RIPOR3: variants seen among roughly 807,000 people sequenced by gnomAD.
RIPOR3 encodes RIPOR family member 3, also known as family with sequence similarity 65 member C.
A neutral mutation model predicts 114.3 loss-of-function variants in RIPOR3; 95 were observed. That is an observed-to-expected ratio of 0.83 (90% CI 0.70 to 0.99). RIPOR3 has a LOEUF of 0.99. Among genes scored for constraint, RIPOR3 ranks in the 50% least tolerant of loss-of-function variants. The pLI, the probability that RIPOR3 is intolerant of heterozygous loss-of-function variation, is 0.00. For synonymous variants in RIPOR3, 575 were observed against 543.8 expected (o/e 1.06, Z -0.80); for missense variants, 1,252 against 1,266.9 (o/e 0.99, Z 0.18).
chr20:50,639,242 A>AAAAAAAAAAAACCTG (rs2085105366), intron 1 of RIPOR3, among the ~76,000 whole-genome samples: 1 of 140,284 alleles, frequency 7.1e-6, no homozygotes, highest in African/African-American at 2.9e-5. Context: ...ACTCCAACTC[A>AAAAAAAAAAAACCTG]AAAAAAAAAA....
At chr20:50,644,676 C>CTT (rs61225138) in intron 1 of RIPOR3, among the ~76,000 whole-genome samples, 22 of 74,614 alleles carry the variant, frequency 2.9e-4, no homozygotes, top group East Asian at 4.5e-4. Flanking sequence ...TTTTTGTTTG[C>CTT]TTTTTTTTTT....
In RIPOR3 at chr20:50,622,619, G is replaced by A. The variant is rs552410186; in HGVS notation, c.123-2487C>T. Among the ~76,000 whole-genome samples, 36 of 152,132 alleles carry A rather than the reference G, an allele frequency of 2.4e-4. 1 individual carries two copies. The highest frequency in any genetic ancestry group is 8.0e-4 in the African/African-American group (33 of 41,500). ...CTGAACAACAAGAGAGAAGGAACAG[G>A]CCCTGAATAGCCTCGTGAAGCAGAC... On this transcript the variant is annotated intron_variant, in intron 2 of 21. Coordinates refer to ENST00000327979, the MANE Select transcript of RIPOR3 (RefSeq NM_001290268.2).
chr20:50,600,089 A>G (rs910468074), intron 13 of RIPOR3, among the ~76,000 whole-genome samples: 6 of 152,036 alleles, frequency 3.9e-5, no homozygotes, highest in Admixed American at 3.3e-4. Context: ...TTTTAGTAGA[A>G]ACGGGGTTTT....
chr20:50,636,530 G>C, intron 1 of RIPOR3: 1 of 982,674 alleles, frequency 1.0e-6, no homozygotes, highest in Non-Finnish European at 1.2e-6. Flanking sequence ...CAGAGACCCT[G>C]CTGGGCCCCA....
chr20:50,615,283 G>C (rs1195796272), intron 4 of RIPOR3, among the ~76,000 whole-genome samples: 1 of 151,870 alleles, frequency 6.6e-6, no homozygotes, highest in Non-Finnish European at 1.5e-5. Flanking sequence ...CAGCACTTTG[G>C]GAGGCCGACA....
intron 1 of RIPOR3, chr20:50,645,894 A>G (rs2085383286): frequency 6.6e-6 from 1 of 152,200 alleles, no homozygotes; most frequent in Admixed American, 6.5e-5. Flanking sequence ...GAGGTAAACA[A>G]TTTACAAGAG....
At chr20:50,637,569 A>G (rs985361542) in intron 1 of RIPOR3, among the ~76,000 whole-genome samples, 1 of 152,124 alleles carries the variant, frequency 6.6e-6, no homozygotes, top group African/African-American at 2.4e-5. Flanking sequence ...CTTTTTAAAA[A>G]AAAGTTTTTG....
intron 1 of RIPOR3, among the ~76,000 whole-genome samples, chr20:50,668,695 A>T (rs1476783464): frequency 6.6e-6 from 1 of 152,096 alleles, no homozygotes; most frequent in Non-Finnish European, 1.5e-5. Flanking sequence ...CATCTCCCCT[A>T]AAAATACAAA....
Position 50,608,424 on chromosome 20 carries a change from C to CA in RIPOR3, c.920dup (p.Leu307PhefsTer16). On this transcript the variant is annotated frameshift_variant, in exon 11 of 22. Coordinates refer to ENST00000327979, the MANE Select transcript of RIPOR3 (RefSeq NM_001290268.2). LOFTEE classifies it high-confidence loss of function. ...CCTCCAGCTGCAGCTTGATGGTACC[C>CA]AACTCCGTGATGTCCACCACGATGA... The CA allele has an allele frequency of 6.2e-7, 1 of 1,614,026 alleles. No homozygotes were observed. Among genetic ancestry groups the CA allele is most frequent in the Non-Finnish European group, 8.5e-7 (1 of 1,179,954 alleles).
chr20:50,637,295 C>A (rs1052598899), intron 1 of RIPOR3, among the ~76,000 whole-genome samples: 1 of 152,088 alleles, frequency 6.6e-6, no homozygotes, highest in Non-Finnish European at 1.5e-5. Context: ...GCTGGAGCCC[C>A]CCTCCAGCCT....
chr20:50,588,931 A>C (rs371847880), intron 20 of RIPOR3, among the ~76,000 whole-genome samples: 23 of 151,380 alleles, frequency 1.5e-4, no homozygotes, highest in African/African-American at 5.1e-4. Flanking sequence ...AATACAAAAA[A>C]ATTAGCCGGG....
At chr20:50,625,919 G>A (rs1328444322) in intron 2 of RIPOR3, among the ~76,000 whole-genome samples, 1 of 152,182 alleles carries the variant, frequency 6.6e-6, no homozygotes, top group Non-Finnish European at 1.5e-5. Flanking sequence ...TTCCCCAAGT[G>A]AGCCATCTGA....
chr20:50,589,084 GAAAAAA>G (rs529410533), intron 20 of RIPOR3, among the ~76,000 whole-genome samples: 3 of 89,524 alleles, frequency 3.4e-5, no homozygotes, highest in African/African-American at 1.4e-4. Flanking sequence ...TCCATCTCAA[GAAAAAA>G]AAAAAAAAAA....
intron 3 of RIPOR3, among the ~76,000 whole-genome samples, chr20:50,616,970 A>G (rs532577019): frequency 8.0e-4 from 121 of 152,190 alleles, no homozygotes; most frequent in African/African-American, 2.8e-3. Context: ...GTGAAACCCC[A>G]TCTCTCCTAA....
At chr20:50,663,162 CTGAG>C (rs2086058810) in intron 1 of RIPOR3, among the ~76,000 whole-genome samples, 1 of 150,388 alleles carries the variant, frequency 6.6e-6, no homozygotes, top group African/African-American at 2.4e-5. Context: ...CTGAGCTCAA[CTGAG>C]TGAGTCACAC....
intron 17 of RIPOR3, among the ~76,000 whole-genome samples, chr20:50,593,803 G>A (rs1020629718): frequency 6.6e-6 from 1 of 152,122 alleles, no homozygotes; most frequent in African/African-American, 2.4e-5. Context: ...GGTGGTGCTT[G>A]GAACATGACT....
intron 1 of RIPOR3, among the ~76,000 whole-genome samples, chr20:50,632,269 C>G (rs1201608644): frequency 6.6e-6 from 1 of 152,170 alleles, no homozygotes; most frequent in East Asian, 1.9e-4. Flanking sequence ...CACTCAGGCT[C>G]TGGGCCTCAG....
chr20:50,590,068 CAG>C, intron 19 of RIPOR3: 1 of 318,976 alleles, frequency 3.1e-6, no homozygotes, highest in Admixed American at 3.9e-5. Flanking sequence ...AATGCTGAAT[CAG>C]AGAAATCAGA....
intron 17 of RIPOR3, among the ~76,000 whole-genome samples, chr20:50,593,571 T>C (rs1421085066): frequency 1.3e-5 from 2 of 149,222 alleles, no homozygotes; most frequent in African/African-American, 5.0e-5. Context: ...AAACCCCATC[T>C]CAAAAAAAAA....
Sources: gnomAD v4.1 joint callset for allele counts (sites outside exome capture counted in the v4.1 genomes callset) on GRCh38, gnomAD v4.1.1 for gene constraint, MANE v1.5 for transcripts, NCBI Gene and HGNC (gene_info 2026-07-23, HGNC 2026-07-21) for gene names.